The following NEK10 variants were observed in gnomAD, a reference collection of about 807,000 sequenced individuals.
The protein encoded by NEK10 is serine/threonine-protein kinase Nek10.
A neutral mutation model predicts 159.8 loss-of-function variants in NEK10; 122 were observed. The ratio of observed to expected loss-of-function variants is 0.76; its 90% confidence interval spans 0.66 to 0.89. NEK10 has a LOEUF of 0.89. Ranked by LOEUF, NEK10 falls within the 40% of genes least tolerant of loss-of-function variation. NEK10 has a pLI of 0.00. For missense variants in NEK10, 1,342 were observed against 1,323.1 expected (o/e 1.01, Z -0.22); for synonymous variants, 466 against 457.1 (o/e 1.02, Z -0.25).
chr3:27,153,590 A>G (rs1309598434), intron 30 of NEK10, among the ~76,000 whole-genome samples: 5 of 152,202 alleles, frequency 3.3e-5, no homozygotes, highest in African/African-American at 1.2e-4. Context: ...TTAAAAATTG[A>G]AATTATATCA....
intron 32 of NEK10, among the ~76,000 whole-genome samples, chr3:27,125,194 A>C (rs1941805014): frequency 6.6e-6 from 1 of 152,202 alleles, no homozygotes; most frequent in Non-Finnish European, 1.5e-5. Flanking sequence ...TTTATCATTT[A>C]TTTGGTCAAT....
chr3:27,313,327 C>T (rs921215922), intron 7 of NEK10, among the ~76,000 whole-genome samples: 19 of 151,956 alleles, frequency 1.3e-4, no homozygotes, highest in African/African-American at 4.4e-4. Flanking sequence ...AAATGCAAGC[C>T]TCTGAGTTGC....
At chr3:27,251,684 T>C (rs1468817600) in intron 23 of NEK10, among the ~76,000 whole-genome samples, 2 of 152,222 alleles carry the variant, frequency 1.3e-5, no homozygotes, top group African/African-American at 2.4e-5. Flanking sequence ...TATTTCTTTA[T>C]AGCAATCCAA....
intron 20 of NEK10, among the ~76,000 whole-genome samples, chr3:27,286,135 G>A (rs1481948891): frequency 1.6e-5 from 2 of 127,874 alleles, no homozygotes; most frequent in African/African-American, 6.3e-5. Flanking sequence ...GCCCAGGCTG[G>A]ACTGCAGTGG....
intron 30 of NEK10, chr3:27,162,135 GAAA>G: frequency 7.7e-6 from 2 of 258,876 alleles, no homozygotes; most frequent in South Asian, 8.3e-5. Flanking sequence ...AGAGTTTACA[GAAA>G]TACCTATGTA....
intron 22 of NEK10, among the ~76,000 whole-genome samples, chr3:27,266,394 A>C (rs908461983): frequency 6.6e-6 from 1 of 151,306 alleles, no homozygotes; most frequent in Non-Finnish European, 1.5e-5. Context: ...TGATTTTTTT[A>C]TGGGGATTTG....
intron 1 of NEK10, among the ~76,000 whole-genome samples, chr3:27,358,410 T>C (rs781707001): frequency 6.6e-6 from 1 of 152,196 alleles, no homozygotes. Context: ...ATCACAGTTA[T>C]GATTCATTGT....
At chr3:27,166,618 A>G (rs1226120505) in intron 29 of NEK10, among the ~76,000 whole-genome samples, 1 of 152,320 alleles carries the variant, frequency 6.6e-6, no homozygotes, top group East Asian at 1.9e-4. Context: ...TCCAGTCACA[A>G]ATATGAAGCT....
chr3:27,255,163 C>A, intron 23 of NEK10: 1 of 188,736 alleles, frequency 5.3e-6, no homozygotes. Flanking sequence ...CACAGTGAAA[C>A]AAAAGAAAAT....
chr3:27,334,481 G>A (rs962133986), intron 5 of NEK10, among the ~76,000 whole-genome samples: 2 of 152,118 alleles, frequency 1.3e-5, no homozygotes, highest in African/African-American at 2.4e-5. Flanking sequence ...GCCATCTAGG[G>A]TCCCCAGGAT....
At chr3:27,255,383 T>G (rs1302186075) in intron 23 of NEK10, 1 of 281,922 alleles carries the variant, frequency 3.5e-6, no homozygotes, top group African/African-American at 2.2e-5. Flanking sequence ...TCTGAACACT[T>G]CTGCATGAAA....
intron 23 of NEK10, chr3:27,214,907 A>T: frequency 9.0e-7 from 1 of 1,117,146 alleles, no homozygotes; most frequent in African/African-American, 1.5e-5. Flanking sequence ...TAATGGCCAC[A>T]TTCTTCTTTT....
intron 23 of NEK10, among the ~76,000 whole-genome samples, chr3:27,246,163 C>T (rs761724661): frequency 2.0e-5 from 3 of 152,116 alleles, no homozygotes; most frequent in Non-Finnish European, 2.9e-5. Flanking sequence ...GAGTTCAGAA[C>T]AAATCAGACT....
intron 6 of NEK10, among the ~76,000 whole-genome samples, chr3:27,315,414 T>C (rs1220557327): frequency 6.6e-6 from 1 of 152,202 alleles, no homozygotes; most frequent in Non-Finnish European, 1.5e-5. Context: ...CACTTACATC[T>C]AAATTAAATT....
chr3:27,148,968 C>T (rs1381457268), intron 30 of NEK10, among the ~76,000 whole-genome samples: 2 of 152,156 alleles, frequency 1.3e-5, no homozygotes, highest in African/African-American at 4.8e-5. Flanking sequence ...CAAGAAGCAT[C>T]CTCCTGGGAC....
At chr3:27,173,005 T>C (rs1313607984) in intron 28 of NEK10, among the ~76,000 whole-genome samples, 1 of 152,188 alleles carries the variant, frequency 6.6e-6, no homozygotes, top group Non-Finnish European at 1.5e-5. Context: ...GCTTTATTCA[T>C]GGTAAACCAC....
intron 5 of NEK10, among the ~76,000 whole-genome samples, chr3:27,328,633 G>C (rs1345346158): frequency 2.0e-5 from 3 of 152,208 alleles, no homozygotes; most frequent in Admixed American, 2.0e-4. Context: ...TGTAAAATAA[G>C]AACAGGGCCT....
At chr3:27,298,144 T>A (rs1195025823) in intron 13 of NEK10, among the ~76,000 whole-genome samples, 1 of 152,164 alleles carries the variant, frequency 6.6e-6, no homozygotes, top group Non-Finnish European at 1.5e-5. Flanking sequence ...TTTATTTAGG[T>A]ATTAACATGG....
intron 6 of NEK10, among the ~76,000 whole-genome samples, chr3:27,316,899 T>G (rs1002542671): frequency 6.6e-6 from 1 of 152,184 alleles, no homozygotes; most frequent in African/African-American, 2.4e-5. Flanking sequence ...ATCTCAGGAC[T>G]CTTTGGCGCT....
Sources: gnomAD v4.1 joint callset for allele counts (sites outside exome capture counted in the v4.1 genomes callset) on GRCh38, gnomAD v4.1.1 for gene constraint, MANE v1.5 for transcripts, NCBI Gene and HGNC (gene_info 2026-07-23, HGNC 2026-07-21) for gene names.